RPS6KC1: variants seen among roughly 807,000 people sequenced by gnomAD.
RPS6KC1 encodes the protein inactive ribosomal protein S6 kinase delta-1.
RPS6KC1 carries 54 observed loss-of-function variants against 103.8 expected under a neutral mutation model. The observed-to-expected ratio is 0.52, with a 90% CI of 0.42 to 0.65. The LOEUF (loss-of-function observed/expected upper bound fraction) is 0.65, where lower values mean the gene tolerates loss of function less well. Among genes scored for constraint, RPS6KC1 ranks in the 30% least tolerant of loss-of-function variants. The pLI is 0.00. For synonymous variants in RPS6KC1, 439 were observed against 438.7 expected (o/e 1.00, Z -0.01); for missense variants, 1,151 against 1,253.8 (o/e 0.92, Z 1.24).
the RPS6KC1 span, among the ~76,000 whole-genome samples, chr1:213,365,266 A>G: frequency 6.6e-6 from 1 of 152,254 alleles, no homozygotes; most frequent in Admixed American, 6.5e-5. Flanking sequence ...CAGAGTTACC[A>G]AGGAAACTAG....
the RPS6KC1 span, among the ~76,000 whole-genome samples, chr1:213,398,293 GC>G: frequency 6.7e-6 from 1 of 148,302 alleles, no homozygotes; most frequent in Non-Finnish European, 1.5e-5. Flanking sequence ...CAATCTGCCT[GC>G]CTTCGGCCTC....
the RPS6KC1 span, among the ~76,000 whole-genome samples, chr1:213,625,937 A>G: frequency 6.6e-6 from 1 of 152,132 alleles, no homozygotes; most frequent in Non-Finnish European, 1.5e-5. Flanking sequence ...TCCTTTGGGT[A>G]TATATCCAGT....
chr1:213,131,994 C>G (rs1025272407), intron 6 of RPS6KC1, among the ~76,000 whole-genome samples: 9 of 152,106 alleles, frequency 5.9e-5, no homozygotes, highest in Admixed American at 5.9e-4. Flanking sequence ...TGCATTTAAT[C>G]TTAGAACATT....
chr1:213,634,948 C>T, the RPS6KC1 span, among the ~76,000 whole-genome samples: 520 of 152,010 alleles, frequency 3.4e-3, 2 homozygotes, highest in African/African-American at 0.012. Flanking sequence ...ATATCACCAC[C>T]GATCCCACAG....
At chr1:213,553,505 T>C in the RPS6KC1 span, among the ~76,000 whole-genome samples, 22 of 152,176 alleles carry the variant, frequency 1.4e-4, no homozygotes, top group African/African-American at 5.3e-4. Context: ...ATGATTTATA[T>C]TCCTTTTGGT....
At chr1:213,407,410 G>A in the RPS6KC1 span, among the ~76,000 whole-genome samples, 1 of 152,138 alleles carries the variant, frequency 6.6e-6, no homozygotes, top group Non-Finnish European at 1.5e-5. Context: ...AGGACTAAAG[G>A]AGGGAGAAGA....
At chr1:213,742,531 G>A in the RPS6KC1 span, among the ~76,000 whole-genome samples, 7 of 152,238 alleles carry the variant, frequency 4.6e-5, no homozygotes, top group Non-Finnish European at 1.0e-4. Flanking sequence ...TCCCCAACCT[G>A]CCATCACTGA....
chr1:213,546,058 C>T, the RPS6KC1 span, among the ~76,000 whole-genome samples: 13 of 152,198 alleles, frequency 8.5e-5, no homozygotes, highest in East Asian at 1.9e-4. Flanking sequence ...CTGCCTCCCC[C>T]GCTCACCTGG....
At chr1:213,251,063 C>T (rs1284009173) in intron 12 of RPS6KC1, among the ~76,000 whole-genome samples, 1 of 150,162 alleles carries the variant, frequency 6.7e-6, no homozygotes, top group Admixed American at 6.6e-5. Context: ...CTTGAGTTAT[C>T]TCCCAGTCCT....
chr1:213,845,774 T>G, the RPS6KC1 span, among the ~76,000 whole-genome samples: 154 of 152,306 alleles, frequency 1.0e-3, no homozygotes, highest in Non-Finnish European at 1.9e-3. Context: ...ATAATCCTTC[T>G]GTGCCTCAAT....
the RPS6KC1 span, among the ~76,000 whole-genome samples, chr1:213,452,788 G>C: frequency 6.6e-6 from 1 of 152,106 alleles, no homozygotes; most frequent in Non-Finnish European, 1.5e-5. Flanking sequence ...AAAAGTACAC[G>C]AGCAAACAAA....
chr1:213,381,047 C>T, the RPS6KC1 span, among the ~76,000 whole-genome samples: 1 of 152,164 alleles, frequency 6.6e-6, no homozygotes, highest in African/African-American at 2.4e-5. Context: ...AGTGCTTCTG[C>T]AAACTGCTTT....
the RPS6KC1 span, among the ~76,000 whole-genome samples, chr1:213,612,905 G>A: frequency 6.6e-6 from 1 of 152,154 alleles, no homozygotes; most frequent in African/African-American, 2.4e-5. Flanking sequence ...AAAAGAAAAT[G>A]TATTTTCTGC....
the RPS6KC1 span, among the ~76,000 whole-genome samples, chr1:213,853,966 G>A: frequency 1.3e-5 from 2 of 152,182 alleles, no homozygotes; most frequent in East Asian, 1.9e-4. Flanking sequence ...TGACTGGTGC[G>A]ATTTCTTCCT....
At chr1:213,371,802 C>G in the RPS6KC1 span, among the ~76,000 whole-genome samples, 1 of 152,208 alleles carries the variant, frequency 6.6e-6, no homozygotes, top group Non-Finnish European at 1.5e-5. Flanking sequence ...ACAGGCTTTC[C>G]GGTTAGCTGC....
the RPS6KC1 span, among the ~76,000 whole-genome samples, chr1:213,444,641 C>T: frequency 6.7e-6 from 1 of 149,302 alleles, no homozygotes; most frequent in South Asian, 2.1e-4. Context: ...CCTGTAATTC[C>T]AGCTACTTGG....
the RPS6KC1 span, among the ~76,000 whole-genome samples, chr1:213,566,966 T>C: frequency 8.5e-5 from 13 of 152,236 alleles, no homozygotes; most frequent in African/African-American, 3.1e-4. Context: ...TGCTCTTTTA[T>C]AAATTTGGAT....
the RPS6KC1 span, among the ~76,000 whole-genome samples, chr1:213,662,895 A>G: frequency 3.3e-5 from 5 of 152,178 alleles, no homozygotes; most frequent in Non-Finnish European, 5.9e-5. Flanking sequence ...AATCCTGTTC[A>G]TTCAGTAACC....
chr1:213,150,919 C>T (rs1458658426), intron 6 of RPS6KC1, among the ~76,000 whole-genome samples: 14 of 150,538 alleles, frequency 9.3e-5, no homozygotes, highest in East Asian at 2.0e-4. Flanking sequence ...ACCTCCTGGG[C>T]GGGGCAGCTG....
Sources: allele counts gnomAD v4.1 joint callset (sites outside exome capture counted in the v4.1 genomes callset), GRCh38; gene constraint gnomAD v4.1.1; transcripts MANE v1.5; gene names NCBI Gene and HGNC (gene_info 2026-07-23, HGNC 2026-07-21).